Variants in KLHL1 observed in about 807,000 individuals in gnomAD.
KLHL1 encodes the protein kelch-like protein 1.
KLHL1 carries 47 observed loss-of-function variants against 77.7 expected under a neutral mutation model. That is an observed-to-expected ratio of 0.60 (90% confidence interval 0.48 to 0.77). The LOEUF is 0.77. Ranked by LOEUF, KLHL1 falls within the 30% of genes least tolerant of loss-of-function variation. The pLI is 0.00. For missense variants in KLHL1, 925 were observed against 910.8 expected (o/e 1.02, Z -0.20); for synonymous variants, 360 against 325.2 (o/e 1.11, Z -1.15).
At chr13:69,824,507 A>G (rs987222967) in intron 6 of KLHL1, among the ~76,000 whole-genome samples, 27 of 152,152 alleles carry the variant, frequency 1.8e-4, no homozygotes, top group African/African-American at 5.3e-4. Flanking sequence ...ATAATAGCTA[A>G]AAGTGAAAAT....
At chr13:69,887,538 C>T (rs963927633) in intron 4 of KLHL1, among the ~76,000 whole-genome samples, 3 of 152,192 alleles carry the variant, frequency 2.0e-5, no homozygotes, top group Non-Finnish European at 2.9e-5. Context: ...GTGGCTCCTT[C>T]GTTACTTGGC....
At chr13:69,988,046 T>C (rs1884922305) in intron 1 of KLHL1, among the ~76,000 whole-genome samples, 1 of 151,964 alleles carries the variant, frequency 6.6e-6, no homozygotes, top group Non-Finnish European at 1.5e-5. Context: ...GTACAGGTTA[T>C]TTTGTCACCC....
At chr13:69,985,429 A>G (rs1455054054) in intron 1 of KLHL1, among the ~76,000 whole-genome samples, 1 of 152,034 alleles carries the variant, frequency 6.6e-6, no homozygotes, top group African/African-American at 2.4e-5. Flanking sequence ...GCAAATCAAA[A>G]TCACAATAAA....
intron 4 of KLHL1, among the ~76,000 whole-genome samples, chr13:69,925,830 T>C (rs1266816557): frequency 6.6e-6 from 1 of 152,234 alleles, no homozygotes; most frequent in Non-Finnish European, 1.5e-5. Flanking sequence ...AAATATGAGA[T>C]AAATAATTTA....
chr13:69,760,261 T>C lies in KLHL1; in HGVS notation c.1640-19705A>G, dbSNP rs73504028. Among the ~76,000 whole-genome samples, 879 of 152,210 alleles carry C rather than the reference T, an allele frequency of 5.8e-3. 10 individuals are homozygous for C. Among genetic ancestry groups the C allele is most frequent in the African/African-American group, 0.02 (845 of 41,542 alleles). ...GAAACCAGGGATTGAGAGCCTCAGCTGAGGACCTACCTTTTGTAAACACCT... is the reference window on the plus strand; with the variant it reads ...GAAACCAGGGATTGAGAGCCTCAGCCGAGGACCTACCTTTTGTAAACACCT... On this transcript the variant is annotated intron_variant, in intron 7 of 10. Coordinates refer to ENST00000377844, the MANE Select transcript of KLHL1 (RefSeq NM_020866.3).
intron 6 of KLHL1, among the ~76,000 whole-genome samples, chr13:69,833,842 T>TATATATAC (rs1555272120): frequency 2.8e-5 from 4 of 143,942 alleles, no homozygotes; most frequent in African/African-American, 8.2e-5. Context: ...CATATATATA[T>TATATATAC]ACACACACAT....
chr13:69,765,784 C>T (rs532921669), intron 7 of KLHL1, among the ~76,000 whole-genome samples: 8 of 152,324 alleles, frequency 5.3e-5, no homozygotes, highest in Admixed American at 2.0e-4. Flanking sequence ...GGCAATGCTA[C>T]CCTCCGATCT....
chr13:70,042,585 G>A (rs369097139), intron 1 of KLHL1, among the ~76,000 whole-genome samples: 10 of 151,902 alleles, frequency 6.6e-5, no homozygotes, highest in East Asian at 3.9e-4. Context: ...ATACTGCACC[G>A]CCAGCTCTAT....
At chr13:69,837,645 T>TACAC (rs1879066984) in intron 6 of KLHL1, among the ~76,000 whole-genome samples, 6 of 122,274 alleles carry the variant, frequency 4.9e-5, no homozygotes, top group African/African-American at 2.4e-4. Context: ...TATATATATG[T>TACAC]GTATATATAT....
intron 2 of KLHL1, among the ~76,000 whole-genome samples, chr13:69,963,610 T>C (rs1884131656): frequency 6.6e-6 from 1 of 152,194 alleles, no homozygotes; most frequent in Non-Finnish European, 1.5e-5. Flanking sequence ...ATGTGGCCCC[T>C]GCACAGATAT....
Position 70,107,774 on chromosome 13 carries a change from G to A in KLHL1, c.-75C>T. On this transcript the variant is annotated 5_prime_UTR_variant, in exon 1 of 11. Transcript: ENST00000377844. ...GGTCAGCAGGTGGGGGAGGACAGCG[G>A]GGCCCGGGGGCGGAGGAAGAGGCGG... is the stretch of plus-strand genomic sequence containing the variant. The A allele has an allele frequency of 8.5e-7, 1 of 1,174,504 alleles. No individual in the cohort carries two copies. Among genetic ancestry groups the A allele is most frequent in the Non-Finnish European group, 1.2e-6 (1 of 860,384 alleles). The allele number at this position is 1,174,504 out of a possible 1,614,324, so 72.8% of individuals were successfully genotyped here.
intron 9 of KLHL1, among the ~76,000 whole-genome samples, chr13:69,718,132 A>G (rs1872859349): frequency 6.6e-6 from 1 of 152,142 alleles, no homozygotes; most frequent in African/African-American, 2.4e-5. Flanking sequence ...TACCACTTAC[A>G]GGCCTCAATC....
chr13:69,730,876 G>A (rs1873513833), intron 8 of KLHL1, among the ~76,000 whole-genome samples: 1 of 152,026 alleles, frequency 6.6e-6, no homozygotes, highest in Non-Finnish European at 1.5e-5. Flanking sequence ...CACTGTGCCT[G>A]GACGGAGAAC....
Position 69,810,991 on chromosome 13 carries a change from A to T in KLHL1, c.1415-14029T>A, listed in dbSNP as rs1216153855. 2.7e-5 allele frequency among the ~76,000 whole-genome samples: 4 copies of T among 150,718 alleles called. 1 individual carries two copies. The highest frequency in any genetic ancestry group is 2.6e-4 in the Admixed American group (4 of 15,178). ...GAATCAGCATTAAGAAACCTATCAA[A>T]TAAAAAAAGCCCTATACCAGATGGA... is the stretch of plus-strand genomic sequence containing the variant. On this transcript the variant is annotated intron_variant, in intron 6 of 10. Transcript: ENST00000377844.
chr13:70,107,536 C>A lies in KLHL1; in HGVS notation c.164G>T (p.Arg55Leu). ...GCTTCTCTCTTGGCTTTTGAGCAGG[C>A]GACTCTGGCTGGGTCCCCAGTGCTC... Reference protein sequence around the residue: ...SFEHWGPSQSRLLKSQERSGV... With the variant: ...SFEHWGPSQSLLLKSQERSGV... Residue 55 changes from arginine to leucine, a missense_variant, in exon 1 of 11, where the codon CGC becomes CTC. By Grantham distance (102) the Arg-to-Leu change is moderately radical. Transcript: ENST00000377844. 2 of 1,609,882 alleles carry A rather than the reference C, an allele frequency of 1.2e-6. No individual in the cohort carries two copies. Among genetic ancestry groups the A allele is most frequent in the South Asian group, 2.2e-5 (2 of 90,378 alleles).
At chr13:69,855,351 G>T (rs1442155384) in intron 5 of KLHL1, among the ~76,000 whole-genome samples, 11 of 86,612 alleles carry the variant, frequency 1.3e-4, no homozygotes, top group African/African-American at 5.4e-4. Flanking sequence ...TAGATAGACA[G>T]ACAGATAGAT....
At position 70,107,794 on chromosome 13, in the gene KLHL1, A is replaced by G; in HGVS notation, c.-95T>C. 1 of 935,870 alleles carries G rather than the reference A, an allele frequency of 1.1e-6. No homozygotes were observed. Among genetic ancestry groups the G allele is most frequent in the Non-Finnish European group, 1.5e-6 (1 of 645,352 alleles). 58.0% of individuals were successfully genotyped at this position (935,870 alleles called of 1,614,324 possible). A position where few individuals can be genotyped will look rare whatever the true frequency, so the allele number is the denominator to read the frequency against. ...CAGCGGGGCCCGGGGGCGGAGGAAG[A>G]GGCGGGATGCGCCCTCTGCACCCCT... On this transcript the variant is annotated 5_prime_UTR_variant, in exon 1 of 11. Coordinates refer to ENST00000377844, the MANE Select transcript of KLHL1 (RefSeq NM_020866.3).
intron 6 of KLHL1, among the ~76,000 whole-genome samples, chr13:69,834,978 AT>A (rs1566306079): frequency 1.3e-5 from 2 of 152,114 alleles, no homozygotes; most frequent in Non-Finnish European, 2.9e-5. Flanking sequence ...AGGTGGGATT[AT>A]TTGCATTTTA....
intron 1 of KLHL1, among the ~76,000 whole-genome samples, chr13:70,097,197 G>A (rs548550456): frequency 1.9e-4 from 29 of 152,048 alleles, no homozygotes; most frequent in African/African-American, 6.5e-4. Flanking sequence ...TTTGAGAGTT[G>A]GCAAGAGTTT....
Sources: gnomAD v4.1 joint callset for allele counts (sites outside exome capture counted in the v4.1 genomes callset) on GRCh38, gnomAD v4.1.1 for gene constraint, MANE v1.5 for transcripts, NCBI Gene and HGNC (gene_info 2026-07-23, HGNC 2026-07-21) for gene names.